PTPRS: variants seen among roughly 807,000 people sequenced by gnomAD.
PTPRS encodes the protein receptor-type tyrosine-protein phosphatase S.
A neutral mutation model predicts 215.3 loss-of-function variants in PTPRS; 63 were observed. The observed-to-expected ratio is 0.29, with a 90% confidence interval of 0.24 to 0.36. The LOEUF is 0.36. Among genes scored for constraint, PTPRS ranks in the 10% least tolerant of loss-of-function variants. The pLI is 1.00. For missense variants in PTPRS, 2,258 were observed against 2,825.8 expected (o/e 0.80, Z 4.56); for synonymous variants, 1,404 against 1,191.4 (o/e 1.18, Z -3.68).
intron 7 of PTPRS, among the ~76,000 whole-genome samples, chr19:5,259,758 C>T (rs1391405903): frequency 5.9e-5 from 9 of 152,202 alleles, no homozygotes; most frequent in Middle Eastern, 3.2e-3. Flanking sequence ...AAAATCCAGA[C>T]TGAGCTTTCC....
intron 33 of PTPRS, 82 bp downstream of exon 33, chr19:5,211,508 G>C: frequency 2.1e-6 from 3 of 1,417,398 alleles, no homozygotes; most frequent in South Asian, 1.3e-5. Flanking sequence ...CCCCAGCTCT[G>C]TCTCCCACAA....
chr19:5,281,517 T>G (rs1345819883), intron 2 of PTPRS, among the ~76,000 whole-genome samples: 1 of 152,080 alleles, frequency 6.6e-6, no homozygotes, highest in Non-Finnish European at 1.5e-5. Context: ...GCACTGGAAT[T>G]TGAACCCGGG....
At chr19:5,332,002 G>A (rs1005761820) in intron 1 of PTPRS, among the ~76,000 whole-genome samples, 13 of 152,162 alleles carry the variant, frequency 8.5e-5, no homozygotes, top group Non-Finnish European at 1.0e-4. Context: ...GCCCGCGGAC[G>A]GCAATGGAGG....
intron 1 of PTPRS, among the ~76,000 whole-genome samples, chr19:5,323,592 G>C (rs72985191): frequency 6.6e-6 from 1 of 152,240 alleles, no homozygotes; most frequent in African/African-American, 2.4e-5. Flanking sequence ...GCCCTGGGGC[G>C]GGACCATGCC....
intron 12 of PTPRS, 101 bp from the exon 13 acceptor site, chr19:5,239,164 GGA>G (rs36138461): frequency 0.015 from 6,475 of 426,822 alleles, 1 homozygote; most frequent in East Asian, 0.029. Flanking sequence ...GGGGGGAGGG[GGA>G]GAGAGAGAGA....
chr19:5,232,823 C>T (rs956588895), intron 13 of PTPRS, among the ~76,000 whole-genome samples: 1 of 152,080 alleles, frequency 6.6e-6, no homozygotes, highest in African/African-American at 2.4e-5. Context: ...ATATGTCAAA[C>T]ACTTACTATG....
At chr19:5,240,463 G>T (rs2043937544) in intron 11 of PTPRS, 131 bp from the exon 12 acceptor site, 2 of 934,942 alleles carry the variant, frequency 2.1e-6, no homozygotes, top group Non-Finnish European at 3.0e-6. Context: ...ATTTTCCTGG[G>T]GACCTCGCCC....
rs1359086013 is a variant in PTPRS at position 5,232,475 on chromosome 19, GC to G, written c.1850-861del. 2.6e-5 allele frequency among the ~76,000 whole-genome samples: 4 copies of G among 152,114 alleles called. No individual in the cohort carries two copies. In the East Asian group the frequency reaches 5.8e-4, roughly 22 times the overall value. On this transcript the variant is annotated intron_variant, in intron 13 of 37. Coordinates refer to ENST00000262963, the MANE Select transcript of PTPRS (RefSeq NM_002850.4). ...ACACCTACTATGTACCAGGCACCAT[GC>G]CAAGGGGAACAGCAATAGAAGCTCC... is the stretch of plus-strand genomic sequence containing the variant.
intron 1 of PTPRS, among the ~76,000 whole-genome samples, chr19:5,299,343 C>T (rs939303534): frequency 6.6e-6 from 1 of 152,274 alleles, no homozygotes; most frequent in African/African-American, 2.4e-5. Context: ...ACCCCAAGTG[C>T]AGTCCTGCCT....
rs1295670784 is a variant in PTPRS at position 5,229,303 on chromosome 19, G to A, written c.2376+13C>T. The A allele has an allele frequency of 1.4e-6, 2 of 1,381,434 alleles. No homozygotes were observed. Among genetic ancestry groups the A allele is most frequent in the Non-Finnish European group, 1.9e-6 (2 of 1,062,986 alleles). The allele number at this position is 1,381,434 out of a possible 1,614,324, so 85.6% of individuals were successfully genotyped here. On this transcript the variant is annotated intron_variant, in intron 16 of 37. Coordinates refer to ENST00000262963, the MANE Select transcript of PTPRS (RefSeq NM_002850.4). Reference sequence around the variant, plus strand: ...CGCACAGCAGTAGGTGGGTGGCCAGGGGCGCTACTTACATATTCGGCCGTG... The same window carrying A: ...CGCACAGCAGTAGGTGGGTGGCCAGAGGCGCTACTTACATATTCGGCCGTG...
chr19:5,234,854 G>GT (rs768562221), intron 13 of PTPRS, among the ~76,000 whole-genome samples: 16 of 152,058 alleles, frequency 1.1e-4, no homozygotes, highest in Non-Finnish European at 1.5e-4. Flanking sequence ...CTGAAAAACA[G>GT]TAAGTTTCCA....
chr19:5,222,009 C>T, intron 19 of PTPRS, 114 bp downstream of exon 19: 3 of 827,530 alleles, frequency 3.6e-6, no homozygotes, highest in Non-Finnish European at 6.1e-6. Context: ...AGACCCATCT[C>T]TGACTGAGCC....
intron 10 of PTPRS, among the ~76,000 whole-genome samples, chr19:5,245,345 G>T (rs2044390622): frequency 6.6e-6 from 1 of 150,826 alleles, no homozygotes. Context: ...CTGGACTGCA[G>T]TAGTGCGATC....
At position 5,222,958 on chromosome 19, in the gene PTPRS, G is replaced by A. The variant is rs1385418553; in HGVS notation, c.2834C>T (p.Thr945Ile). ...GGGTGGCAGCCAGCGGAGAAGGACG[G>A]TCCCGGCCGAGGCGTTGCCGGCCGC... ...LEAAGNASAG[T>I]VLLRWLPPVP... The change falls in exon 18 of 38, where the codon ACC becomes ATC. Residue 945 changes from threonine to isoleucine, a missense_variant. Around this residue, in one of 6 missense-constraint regions of PTPRS, gnomAD observed 361 missense variants for 332.6 expected, o/e 1.09. Coordinates refer to ENST00000262963, the MANE Select transcript of PTPRS (RefSeq NM_002850.4). 5.2e-6 allele frequency: 8 copies of A among 1,546,748 alleles called. No individual in the cohort carries two copies. The highest frequency in any genetic ancestry group is 6.9e-6 in the Non-Finnish European group (8 of 1,152,292).
chr19:5,327,783 T>C (rs2050209276), intron 1 of PTPRS, among the ~76,000 whole-genome samples: 1 of 152,028 alleles, frequency 6.6e-6, no homozygotes, highest in African/African-American at 2.4e-5. Flanking sequence ...TTACTTTTTA[T>C]AGAGATGGGG....
chr19:5,297,886 G>A (rs756558269), intron 1 of PTPRS, among the ~76,000 whole-genome samples: 20 of 147,968 alleles, frequency 1.4e-4, no homozygotes, highest in Non-Finnish European at 1.0e-4. Context: ...TCTGCCTCCC[G>A]GGTTCACACA....
intron 9 of PTPRS, among the ~76,000 whole-genome samples, chr19:5,251,640 G>A (rs889201057): frequency 1.1e-4 from 16 of 152,032 alleles, no homozygotes; most frequent in Non-Finnish European, 2.1e-4. Context: ...TGCAGAGGGT[G>A]TGAGGCAGGC....
At chr19:5,324,195 C>G (rs1338267499) in intron 1 of PTPRS, among the ~76,000 whole-genome samples, 1 of 141,382 alleles carries the variant, frequency 7.1e-6, no homozygotes, top group Non-Finnish European at 1.5e-5. Flanking sequence ...CCACTGCACT[C>G]CAGCCTGGGA....
At chr19:5,337,631 G>A (rs1390084934) in intron 1 of PTPRS, among the ~76,000 whole-genome samples, 2 of 152,182 alleles carry the variant, frequency 1.3e-5, no homozygotes, top group Non-Finnish European at 1.5e-5. Context: ...CTCCAGACTG[G>A]TACCAGGTCT....
Sources: gnomAD v4.1 joint callset for allele counts (sites outside exome capture counted in the v4.1 genomes callset) on GRCh38, gnomAD v4.1.1 for gene constraint, gnomAD v4.1.1 regional missense constraint, MANE v1.5 for transcripts, NCBI Gene and HGNC (gene_info 2026-07-23, HGNC 2026-07-21) for gene names.